The following BBX variants were observed in gnomAD, a reference collection of about 807,000 sequenced individuals.
BBX encodes BBX high mobility group box domain containing.
Under a neutral mutation model 100.2 loss-of-function variants are expected in BBX, and 30 were observed. That is an observed-to-expected ratio of 0.30 (90% confidence interval 0.22 to 0.41). The LOEUF (loss-of-function observed/expected upper bound fraction) is 0.41, where lower values mean the gene tolerates loss of function less well. Ranked by LOEUF, BBX falls within the 10% of genes least tolerant of loss-of-function variation. The pLI is 1.00. For missense variants in BBX, 1,023 were observed against 1,129.8 expected (o/e 0.91, Z 1.35); for synonymous variants, 376 against 388.1 (o/e 0.97, Z 0.37).
At chr3:107,551,926 T>C (rs1036412560) in intron 2 of BBX, among the ~76,000 whole-genome samples, 6 of 152,194 alleles carry the variant, frequency 3.9e-5, no homozygotes, top group African/African-American at 1.4e-4. Flanking sequence ...AAGAAAGCCC[T>C]ATGTTTACTT....
intron 2 of BBX, among the ~76,000 whole-genome samples, chr3:107,593,054 G>A (rs1158548039): frequency 6.6e-6 from 1 of 152,150 alleles, no homozygotes; most frequent in East Asian, 1.9e-4. Flanking sequence ...CTGGTGTTCT[G>A]CTAGATCTGT....
intron 5 of BBX, among the ~76,000 whole-genome samples, chr3:107,724,135 T>A (rs1179946231): frequency 6.6e-6 from 1 of 152,226 alleles, no homozygotes; most frequent in Non-Finnish European, 1.5e-5. Flanking sequence ...TCATTGTGGT[T>A]TTGATTTGCA....
At chr3:107,672,509 A>G (rs1318998636) in intron 3 of BBX, among the ~76,000 whole-genome samples, 1 of 152,038 alleles carries the variant, frequency 6.6e-6, no homozygotes, top group Non-Finnish European at 1.5e-5. Context: ...GTGTTGTACT[A>G]TCGCCAGTTC....
chr3:107,536,250 C>T (rs1055179445), intron 2 of BBX, among the ~76,000 whole-genome samples: 3 of 152,202 alleles, frequency 2.0e-5, no homozygotes, highest in African/African-American at 7.2e-5. Flanking sequence ...TACAGCATAA[C>T]ATGTTGCTTT....
chr3:107,542,987 TG>T (rs2048970999), intron 2 of BBX, among the ~76,000 whole-genome samples: 1 of 152,200 alleles, frequency 6.6e-6, no homozygotes, highest in South Asian at 2.1e-4. Flanking sequence ...TACACACAGT[TG>T]CTCCTCAGTA....
intron 10 of BBX, among the ~76,000 whole-genome samples, chr3:107,756,096 A>G (rs2065453230): frequency 6.6e-6 from 1 of 152,094 alleles, no homozygotes; most frequent in African/African-American, 2.4e-5. Flanking sequence ...TTCATATGAC[A>G]TGTTCTAAAA....
At chr3:107,710,912 C>T (rs2061676927) in intron 4 of BBX, among the ~76,000 whole-genome samples, 1 of 152,188 alleles carries the variant, frequency 6.6e-6, no homozygotes, top group Non-Finnish European at 1.5e-5. Flanking sequence ...GTTCCTAAAA[C>T]TTGATGTGCT....
chr3:107,776,616 T>TA (rs1171163104), intron 12 of BBX, among the ~76,000 whole-genome samples: 1 of 152,190 alleles, frequency 6.6e-6, no homozygotes, highest in Non-Finnish European at 1.5e-5. Flanking sequence ...AACCTTTTTT[T>TA]ATCTCAGAAA....
chr3:107,602,127 A>G (rs569832733), intron 2 of BBX, among the ~76,000 whole-genome samples: 3 of 152,184 alleles, frequency 2.0e-5, no homozygotes, highest in Non-Finnish European at 4.4e-5. Flanking sequence ...TGCTGCTCGG[A>G]AAAAATGTTT....
intron 2 of BBX, among the ~76,000 whole-genome samples, chr3:107,597,982 G>T (rs975951657): frequency 7.9e-5 from 12 of 152,122 alleles, no homozygotes; most frequent in African/African-American, 2.9e-4. Flanking sequence ...GTAAGATAGG[G>T]TAATCTACTC....
chr3:107,586,682 A>T (rs557625024), intron 2 of BBX, among the ~76,000 whole-genome samples: 17 of 152,254 alleles, frequency 1.1e-4, no homozygotes, highest in African/African-American at 3.6e-4. Context: ...ACCAAGGCTA[A>T]GCAAGTTTGA....
intron 10 of BBX, among the ~76,000 whole-genome samples, chr3:107,770,134 GTT>G (rs1201572191): frequency 6.6e-6 from 1 of 152,152 alleles, no homozygotes; most frequent in Non-Finnish European, 1.5e-5. Context: ...GAATGTCTGT[GTT>G]TGTTCCATTT....
intron 9 of BBX, among the ~76,000 whole-genome samples, chr3:107,749,631 A>ACC (rs2064907610): frequency 2.1e-5 from 3 of 145,372 alleles, no homozygotes; most frequent in Admixed American, 6.9e-5. Context: ...TCAGTGTATG[A>ACC]CCTCTTTTTT....
At chr3:107,567,483 GT>G (rs1317999173) in intron 2 of BBX, among the ~76,000 whole-genome samples, 1 of 151,940 alleles carries the variant, frequency 6.6e-6, no homozygotes, top group Non-Finnish European at 1.5e-5. Flanking sequence ...ATTCTTTTTG[GT>G]GGTAAAAATA....
intron 2 of BBX, among the ~76,000 whole-genome samples, chr3:107,638,096 T>A (rs549906874): frequency 6.6e-6 from 1 of 151,994 alleles, no homozygotes; most frequent in Admixed American, 6.6e-5. Flanking sequence ...TAAAAAAAAA[T>A]CTGTACAGGC....
chr3:107,572,256 C>G (rs569927332), intron 2 of BBX, among the ~76,000 whole-genome samples: 1 of 152,170 alleles, frequency 6.6e-6, no homozygotes, highest in Non-Finnish European at 1.5e-5. Context: ...TTCACGTAAT[C>G]CTTTCGTTAG....
At chr3:107,790,487 G>A (rs1479602716) in intron 14 of BBX, among the ~76,000 whole-genome samples, 2 of 152,140 alleles carry the variant, frequency 1.3e-5, no homozygotes, top group Admixed American at 6.5e-5. Context: ...TACTCGGAAC[G>A]TCTGTCTCAT....
intron 2 of BBX, among the ~76,000 whole-genome samples, chr3:107,630,119 G>A (rs946714202): frequency 6.6e-5 from 10 of 152,084 alleles, no homozygotes; most frequent in Non-Finnish European, 1.3e-4. Context: ...CAAGTCTGAC[G>A]GCACCTTAGA....
At chr3:107,578,484 T>C (rs963135782) in intron 2 of BBX, among the ~76,000 whole-genome samples, 1 of 152,224 alleles carries the variant, frequency 6.6e-6, no homozygotes, top group African/African-American at 2.4e-5. Flanking sequence ...TCTCATTAGG[T>C]TTTGTATGTA....
Sources: allele counts gnomAD v4.1 joint callset (sites outside exome capture counted in the v4.1 genomes callset), GRCh38; gene constraint gnomAD v4.1.1; transcripts MANE v1.5; gene names NCBI Gene and HGNC (gene_info 2026-07-23, HGNC 2026-07-21).